Variants in RPL41 observed in about 807,000 individuals in gnomAD.
RPL41 encodes ribosomal protein L41.
RPL41 carries 3 observed loss-of-function variants against 7.3 expected under a neutral mutation model. The ratio of observed to expected loss-of-function variants is 0.41; its 90% CI spans 0.19 to 1.06. The LOEUF is 1.06. Ranked by LOEUF, RPL41 falls within the 50% of genes least tolerant of loss-of-function variation. The probability of loss-of-function intolerance (pLI) is 0.32; values close to 1 mark genes in which losing one functional copy is unlikely to be tolerated. For missense variants in RPL41, 13 were observed against 30.4 expected, an observed-to-expected ratio of 0.43 and a Z score of 1.35; for synonymous variants, 9 against 7.4, an observed-to-expected ratio of 1.21 and a Z score of -0.34.
intron 1 of RPL41, 29 bp from the exon 2 acceptor site, chr12:56,117,157 TTAA>T (rs1269660157): frequency 2.0e-6 from 3 of 1,538,006 alleles, no homozygotes; most frequent in Admixed American, 2.3e-5. Context: ...TTTTTTTTTT[TTAA>T]TTATCTGCTG....
intron 1 of RPL41, 56 bp downstream of exon 1, chr12:56,116,855 G>T (rs1224321502): frequency 1.2e-6 from 2 of 1,607,874 alleles, no homozygotes; most frequent in South Asian, 2.2e-5. Context: ...TAGTAGCGAG[G>T]AGACGAAGGC....
In RPL41 at chr12:56,116,682, G is replaced by A. The variant is rs1165330993; in HGVS notation, c.-106G>A. The A allele has an allele frequency of 1.4e-6, 2 of 1,380,032 alleles. No individual in the cohort carries two copies. Among genetic ancestry groups the A allele is most frequent in the South Asian group, 2.3e-5 (2 of 85,724 alleles). The allele number at this position is 1,380,032 out of a possible 1,614,324, so 85.5% of individuals were successfully genotyped here. ...TGGGTGAGTGTTTTTTGGTTCCTGC[G>A]TTGGGATTCCGTGTACAATCCATAG... On this transcript the variant is annotated 5_prime_UTR_variant, in exon 1 of 3. Coordinates refer to ENST00000546591, the MANE Select transcript of RPL41 (RefSeq NM_001035267.2).
rs1348516660 is a variant in RPL41, at chr12:56,117,581, G to A, written c.*57G>A. The A allele has an allele frequency of 4.0e-6, 5 of 1,262,620 alleles. No individual in the cohort carries two copies. The Admixed American group carries it at 9.9e-5, about 25-fold the overall frequency. The allele number at this position is 1,262,620 out of a possible 1,614,324, so 78.2% of individuals were successfully genotyped here. On this transcript the variant is annotated 3_prime_UTR_variant, in exon 3 of 3. Transcript: ENST00000546591. ...GGAGCAGAAACATGGAATGCCAGAC[G>A]CTGGGGATGCTGGTACAAGTTGTGG...
Position 56,117,872 on chromosome 12 carries a change from G to A in RPL41, c.*348G>A, listed in dbSNP as rs373838431. On this transcript the variant is annotated 3_prime_UTR_variant, in exon 3 of 3. Transcript: ENST00000546591. ...TTTTTTATGGTTCCATCGGGTGGGG[G>A]TTTTCTGTCATTAGAGTTTGCCCTG... The A allele has an allele frequency of 1.7e-5, 6 of 358,820 alleles. No homozygotes were observed. Among genetic ancestry groups the A allele is most frequent in the East Asian group, 1.4e-4 (2 of 14,156 alleles). 22.2% of individuals were successfully genotyped at this position (358,820 alleles called of 1,614,324 possible).
Position 56,116,681 on chromosome 12 carries a change from C to T in RPL41, c.-107C>T, listed in dbSNP as rs1057403065. The T allele has an allele frequency of 2.2e-6, 3 of 1,362,872 alleles. No homozygotes were observed. Among genetic ancestry groups the T allele is most frequent in the Admixed American group, 3.4e-5 (2 of 58,116 alleles). The allele number at this position is 1,362,872 out of a possible 1,614,324, so 84.4% of individuals were successfully genotyped here. On this transcript the variant is annotated 5_prime_UTR_variant, in exon 1 of 3. Transcript: ENST00000546591. Reference sequence around the variant, plus strand: ...TTGGGTGAGTGTTTTTTGGTTCCTGCGTTGGGATTCCGTGTACAATCCATA... The same window carrying T: ...TTGGGTGAGTGTTTTTTGGTTCCTGTGTTGGGATTCCGTGTACAATCCATA...
intron 1 of RPL41, 86 bp downstream of exon 1, chr12:56,116,885 A>G (rs1869620958): frequency 6.5e-7 from 1 of 1,535,028 alleles, no homozygotes. Context: ...ATACCTCCTG[A>G]ACTACTGGGT....
Position 56,116,815 on chromosome 12 carries a change from T to G in RPL41, c.12+16T>G. The G allele has an allele frequency of 6.2e-7, 1 of 1,613,996 alleles. No homozygotes were observed. Among genetic ancestry groups the G allele is most frequent in the Non-Finnish European group, 8.5e-7 (1 of 1,179,872 alleles). ...GAGAGCCAAGGTGAGCGGTTCCTGG[T>G]AGTAAGCTTGGGAGGTAGGAGTTGG... On this transcript the variant is annotated intron_variant, in intron 1 of 2. Coordinates refer to ENST00000546591, the MANE Select transcript of RPL41 (RefSeq NM_001035267.2).
At position 56,116,719 on chromosome 12, in the gene RPL41, C is replaced by T; in HGVS notation, c.-69C>T. On this transcript the variant is annotated 5_prime_UTR_variant, in exon 1 of 3. Coordinates refer to ENST00000546591, the MANE Select transcript of RPL41 (RefSeq NM_001035267.2). ...TGTACAATCCATAGACATCTGACCT[C>T]GGCACTTAGCATCATCACAGCAAAC... The T allele has an allele frequency of 1.3e-6, 2 of 1,576,020 alleles. No individual in the cohort carries two copies. Among genetic ancestry groups the T allele is most frequent in the Non-Finnish European group, 1.7e-6 (2 of 1,145,378 alleles).
In RPL41 at chr12:56,116,773, A is replaced by G; in HGVS notation, c.-15A>G. On this transcript the variant is annotated 5_prime_UTR_variant, in exon 1 of 3. Transcript: ENST00000546591. The stretch of plus-strand genomic sequence containing the variant: ...CTGTAGCCTTTCTCTCTTTCCCTGT[A>G]GAAACCTCTGCGCCATGAGAGCCAA... 3 of 1,614,002 alleles carry G rather than the reference A, an allele frequency of 1.9e-6. No homozygotes were observed. The highest frequency in any genetic ancestry group is 1.1e-5 in the South Asian group (1 of 91,084).
chr12:56,117,124 A>G, intron 1 of RPL41, 65 bp from the exon 2 acceptor site: 4 of 1,524,532 alleles, frequency 2.6e-6, no homozygotes, highest in Non-Finnish European at 3.5e-6. Context: ...TAAGCCTACT[A>G]ATAAGCTTCA....
chr12:56,117,449 G>T, intron 2 of RPL41, 33 bp from the exon 3 acceptor site: 1 of 1,551,952 alleles, frequency 6.4e-7, no homozygotes, highest in South Asian at 1.2e-5. Context: ...ACTCTGGTTT[G>T]AGGTGTATTC....
Position 56,117,185 on chromosome 12 carries a change from C to T in RPL41, c.13-4C>T, listed in dbSNP as rs757901397. 1.1e-5 allele frequency: 17 copies of T among 1,535,076 alleles called. No homozygotes were observed. In the Admixed American group the frequency reaches 2.6e-4, roughly 23 times the overall value. ...ATTATCTGCTGCTTGTGATCGGTTGCTAGTGGAGGAAGAAGCGAATGCGCA... is the reference window on the plus strand; with the variant it reads ...ATTATCTGCTGCTTGTGATCGGTTGTTAGTGGAGGAAGAAGCGAATGCGCA... On this transcript the variant is annotated splice_polypyrimidine_tract_variant and splice_region_variant and intron_variant, in intron 1 of 2. Transcript: ENST00000546591.
In RPL41 at chr12:56,117,132, T is replaced by C. The variant is rs1818079166; in HGVS notation, c.13-57T>C. 3 of 1,524,796 alleles carry C rather than the reference T, an allele frequency of 2.0e-6. 1 individual carries two copies. Among genetic ancestry groups the C allele is most frequent in the Non-Finnish European group, 2.6e-6 (3 of 1,133,864 alleles). 94.5% of individuals were successfully genotyped at this position (1,524,796 alleles called of 1,614,324 possible). On this transcript the variant is annotated intron_variant, in intron 1 of 2. Coordinates refer to ENST00000546591, the MANE Select transcript of RPL41 (RefSeq NM_001035267.2). ...TCCTTGCTAAGCCTACTAATAAGCTTCATCCCTTTTTTTTTTTTTTTTTTT... is the reference window on the plus strand; with the variant it reads ...TCCTTGCTAAGCCTACTAATAAGCTCCATCCCTTTTTTTTTTTTTTTTTTT...
Position 56,117,948 on chromosome 12 carries a change from G to C in RPL41, c.*424G>C, listed in dbSNP as rs1014158662. The C allele has an allele frequency of 1.1e-5, 3 of 284,842 alleles. No homozygotes were observed. Among genetic ancestry groups the C allele is most frequent in the Non-Finnish European group, 2.1e-5 (3 of 143,436 alleles). 17.6% of individuals were successfully genotyped at this position (284,842 alleles called of 1,614,324 possible). ...CAAAGCTATAAAGGCAACAGCCCGG[G>C]TTACGTGGTGTGGTTTGCATCTCGC... On this transcript the variant is annotated 3_prime_UTR_variant, in exon 3 of 3. Coordinates refer to ENST00000546591, the MANE Select transcript of RPL41 (RefSeq NM_001035267.2).
chr12:56,116,863 G>A, intron 1 of RPL41, 64 bp downstream of exon 1: 1 of 1,595,350 alleles, frequency 6.3e-7, no homozygotes. Flanking sequence ...AGGAGACGAA[G>A]GCAAGTCCGC....
In RPL41 at chr12:56,117,706, A is replaced by G. The variant is rs1318761532; in HGVS notation, c.*182A>G. 3.2e-6 allele frequency: 2 copies of G among 617,202 alleles called. No homozygotes were observed. The highest frequency in any genetic ancestry group is 3.6e-5 in the African/African-American group (2 of 54,802). The allele number at this position is 617,202 out of a possible 1,614,324, so 38.2% of individuals were successfully genotyped here. On this transcript the variant is annotated 3_prime_UTR_variant, in exon 3 of 3. Transcript: ENST00000546591. ...GAGACCCACCTTGCTCATAAACAAA[A>G]TGCCCATGTTGGTCCTCTGCCCTGG...
chr12:56,117,360 C>A, intron 2 of RPL41, 122 bp from the exon 3 acceptor site: 1 of 1,399,422 alleles, frequency 7.1e-7, no homozygotes, highest in Non-Finnish European at 9.9e-7. Context: ...GAACAGAGAA[C>A]GATAGAACCG....
At chr12:56,117,044 T>TA (rs1337493173) in intron 1 of RPL41, 145 bp from the exon 2 acceptor site, 8 of 1,273,254 alleles carry the variant, frequency 6.3e-6, no homozygotes, top group South Asian at 1.5e-5. Flanking sequence ...ATGTAGTTGT[T>TA]ACGACCAATC....
At chr12:56,117,071 TAA>T in intron 1 of RPL41, 116 bp from the exon 2 acceptor site, 4 of 1,395,304 alleles carry the variant, frequency 2.9e-6, no homozygotes, top group Non-Finnish European at 2.9e-6. Flanking sequence ...ACTTCTTGGT[TAA>T]GAATCTGTCC....
Sources: allele counts gnomAD v4.1 joint callset, GRCh38; gene constraint gnomAD v4.1.1; transcripts MANE v1.5; gene names NCBI Gene and HGNC (gene_info 2026-07-23, HGNC 2026-07-21).